The following MEIS2 variants were observed in gnomAD, a reference collection of about 807,000 sequenced individuals.
The protein encoded by MEIS2 is homeobox protein Meis2.
MEIS2 carries 9 observed loss-of-function variants against 58.6 expected under a neutral mutation model. The ratio of observed to expected loss-of-function variants is 0.15; its 90% CI spans 0.09 to 0.27. The LOEUF (loss-of-function observed/expected upper bound fraction) is 0.27, where lower values mean the gene tolerates loss of function less well. MEIS2 is among the 10% of genes least tolerant of loss of function. The pLI is 1.00. For synonymous variants in MEIS2, 221 were observed against 228.4 expected (o/e 0.97, Z 0.29); for missense variants, 427 against 635.0 (o/e 0.67, Z 3.52).
chr15:37,039,291 C>T (rs1567214025), intron 7 of MEIS2, among the ~76,000 whole-genome samples: 1 of 152,160 alleles, frequency 6.6e-6, no homozygotes, highest in Admixed American at 6.5e-5. Flanking sequence ...CCTTCAGTGT[C>T]TTCCAAATAT....
At chr15:36,962,493 G>A (rs2059218828) in intron 8 of MEIS2, among the ~76,000 whole-genome samples, 1 of 152,052 alleles carries the variant, frequency 6.6e-6, no homozygotes, top group South Asian at 2.1e-4. Context: ...CTAATAGAAT[G>A]TAAATGCTAT....
chr15:36,988,063 T>A (rs781232667), intron 8 of MEIS2, among the ~76,000 whole-genome samples: 1 of 152,198 alleles, frequency 6.6e-6, no homozygotes, highest in African/African-American at 2.4e-5. Context: ...ATGAGGACTA[T>A]AGTTAATCAT....
At chr15:37,036,776 C>T in intron 8 of MEIS2, 38 bp downstream of exon 8, 2 of 1,597,088 alleles carry the variant, frequency 1.3e-6, no homozygotes, top group Non-Finnish European at 1.7e-6. Flanking sequence ...AGCAAAACAA[C>T]AAAAACTATT....
At chr15:36,936,208 T>TA in intron 9 of MEIS2, among the ~76,000 whole-genome samples, 1 of 151,446 alleles carries the variant, frequency 6.6e-6, no homozygotes, top group African/African-American at 2.4e-5. Flanking sequence ...TTTTTTTTTT[T>TA]TTTTGAGATA....
intron 8 of MEIS2, among the ~76,000 whole-genome samples, chr15:37,018,216 A>T (rs927247830): frequency 5.9e-5 from 9 of 152,224 alleles, no homozygotes; most frequent in African/African-American, 2.2e-4. Flanking sequence ...GGAATAAAAA[A>T]TCCATATGCT....
At chr15:36,921,346 T>C (rs998328281) in intron 9 of MEIS2, among the ~76,000 whole-genome samples, 1 of 152,166 alleles carries the variant, frequency 6.6e-6, no homozygotes, top group African/African-American at 2.4e-5. Context: ...AGCATAAACA[T>C]ACATTCTGTT....
At chr15:36,970,720 C>T (rs1464960182) in intron 8 of MEIS2, among the ~76,000 whole-genome samples, 1 of 152,150 alleles carries the variant, frequency 6.6e-6, no homozygotes, top group Non-Finnish European at 1.5e-5. Flanking sequence ...GGCAAGTTCA[C>T]TGCATAAACA....
intron 7 of MEIS2, among the ~76,000 whole-genome samples, chr15:37,052,034 T>C (rs2062941266): frequency 6.6e-6 from 1 of 152,058 alleles, no homozygotes; most frequent in African/African-American, 2.4e-5. Flanking sequence ...TCTTAATAAA[T>C]TGCTTTTTAA....
At chr15:37,071,663 A>C (rs1890725307) in intron 7 of MEIS2, among the ~76,000 whole-genome samples, 1 of 152,084 alleles carries the variant, frequency 6.6e-6, no homozygotes, top group African/African-American at 2.4e-5. Context: ...CAAATCTATT[A>C]GATTAGGTAT....
intron 7 of MEIS2, among the ~76,000 whole-genome samples, chr15:37,042,605 C>G (rs2062474682): frequency 6.6e-6 from 1 of 152,186 alleles, no homozygotes; most frequent in African/African-American, 2.4e-5. Flanking sequence ...TGTCTGAACA[C>G]TGTTATCAAT....
At chr15:37,024,989 CAA>C (rs2061651675) in intron 8 of MEIS2, among the ~76,000 whole-genome samples, 1 of 152,282 alleles carries the variant, frequency 6.6e-6, no homozygotes, top group South Asian at 2.1e-4. Context: ...GTACAAATTC[CAA>C]AAGTTACTTT....
intron 9 of MEIS2, among the ~76,000 whole-genome samples, chr15:36,901,739 A>G (rs922720316): frequency 2.6e-5 from 4 of 152,216 alleles, no homozygotes; most frequent in African/African-American, 9.6e-5. Flanking sequence ...CTTTATGAAT[A>G]TGGCTTGAAT....
chr15:36,936,587 G>A (rs533859766), intron 9 of MEIS2, among the ~76,000 whole-genome samples: 1 of 152,334 alleles, frequency 6.6e-6, no homozygotes, highest in African/African-American at 2.4e-5. Flanking sequence ...TGAGAACCAT[G>A]TGAAAGATGT....
chr15:36,994,125 C>T (rs2060394629), intron 8 of MEIS2, among the ~76,000 whole-genome samples: 1 of 151,938 alleles, frequency 6.6e-6, no homozygotes, highest in African/African-American at 2.4e-5. Context: ...ACCTAGGCAG[C>T]AAGGGAAAGC....
chr15:37,031,092 T>C (rs1228275569), intron 8 of MEIS2, among the ~76,000 whole-genome samples: 3 of 152,236 alleles, frequency 2.0e-5, no homozygotes, highest in Non-Finnish European at 2.9e-5. Context: ...TTTATATATG[T>C]ACTTATTATA....
At chr15:36,930,511 C>A (rs994849777) in intron 9 of MEIS2, among the ~76,000 whole-genome samples, 1 of 152,098 alleles carries the variant, frequency 6.6e-6, no homozygotes, top group African/African-American at 2.4e-5. Context: ...CCTCGATGAG[C>A]GATATGCATT....
intron 9 of MEIS2, among the ~76,000 whole-genome samples, chr15:36,928,678 C>A (rs1042284302): frequency 4.6e-5 from 7 of 151,986 alleles, no homozygotes; most frequent in African/African-American, 1.4e-4. Context: ...AAGATGTGAC[C>A]CATATTTGAG....
chr15:36,930,925 G>A (rs939110523), intron 9 of MEIS2, among the ~76,000 whole-genome samples: 1 of 152,020 alleles, frequency 6.6e-6, no homozygotes, highest in Non-Finnish European at 1.5e-5. Context: ...AATAAACCAC[G>A]TAGTTCGAAA....
intron 8 of MEIS2, among the ~76,000 whole-genome samples, chr15:36,952,597 G>GTCTC (rs147145504): frequency 1.7e-4 from 18 of 107,378 alleles, no homozygotes; most frequent in African/African-American, 4.0e-4. Flanking sequence ...CTGTCTGTCT[G>GTCTC]TCTCTCTCTC....
Sources: allele counts gnomAD v4.1 joint callset (sites outside exome capture counted in the v4.1 genomes callset), GRCh38; gene constraint gnomAD v4.1.1; transcripts MANE v1.5; gene names NCBI Gene and HGNC (gene_info 2026-07-23, HGNC 2026-07-21).